PTPRC: variants seen among roughly 807,000 people sequenced by gnomAD.
PTPRC encodes the protein protein tyrosine phosphatase receptor type C.
Under a neutral mutation model 155.9 loss-of-function variants are expected in PTPRC, and 44 were observed. The observed-to-expected ratio is 0.28, with a 90% confidence interval of 0.22 to 0.36. The LOEUF is 0.36. Ranked by LOEUF, PTPRC falls within the 10% of genes least tolerant of loss-of-function variation. PTPRC has a pLI of 1.00. For synonymous variants in PTPRC, 525 were observed against 533.1 expected (o/e 0.98, Z 0.21); for missense variants, 1,401 against 1,564.6 (o/e 0.90, Z 1.76).
chr1:198,712,891 T>C (rs540539995), intron 11 of PTPRC, 62 bp from the exon 12 acceptor site: 4 of 1,495,326 alleles, frequency 2.7e-6, no homozygotes, highest in African/African-American at 2.8e-5. Flanking sequence ...GCTTATAATA[T>C]GAAGAATGCT....
intron 26 of PTPRC, 26 bp downstream of exon 26, chr1:198,744,229 T>C (rs1416645626): frequency 1.3e-6 from 2 of 1,573,110 alleles, no homozygotes; most frequent in Non-Finnish European, 8.7e-7. Flanking sequence ...ACAATAATAA[T>C]AATTACAGAT....
At chr1:198,681,799 A>G (rs571683255) in intron 2 of PTPRC, among the ~76,000 whole-genome samples, 1 of 152,376 alleles carries the variant, frequency 6.6e-6, no homozygotes, top group African/African-American at 2.4e-5. Flanking sequence ...TCACATAATA[A>G]AACTAACCTT....
intron 3 of PTPRC, chr1:198,694,289 A>T (rs1666084655): frequency 4.5e-6 from 2 of 448,314 alleles, no homozygotes; most frequent in East Asian, 2.1e-4. Flanking sequence ...CCGTGCTGGC[A>T]GTTGCTTGGA....
At chr1:198,666,446 C>A (rs1010988937) in intron 2 of PTPRC, among the ~76,000 whole-genome samples, 2 of 151,926 alleles carry the variant, frequency 1.3e-5, no homozygotes, top group Non-Finnish European at 2.9e-5. Flanking sequence ...ATATGTAATA[C>A]CCATTTATCT....
intron 8 of PTPRC, 52 bp from the exon 9 acceptor site, chr1:198,706,682 G>A (rs1449896811): frequency 6.4e-7 from 1 of 1,562,422 alleles, no homozygotes; most frequent in Non-Finnish European, 8.8e-7. Flanking sequence ...TTGCATTAAT[G>A]TAGTTTTATT....
At chr1:198,643,696 T>C (rs183873919) in intron 2 of PTPRC, among the ~76,000 whole-genome samples, 1 of 152,056 alleles carries the variant, frequency 6.6e-6, no homozygotes, top group East Asian at 1.9e-4. Flanking sequence ...CTAGGTAATG[T>C]AATTTGGAGG....
chr1:198,666,240 CAAAAA>C (rs756815638), intron 2 of PTPRC, among the ~76,000 whole-genome samples: 4 of 101,814 alleles, frequency 3.9e-5, no homozygotes, highest in Admixed American at 1.0e-4. Context: ...GACCCTGTCT[CAAAAA>C]AAAAAAAAAA....
intron 2 of PTPRC, among the ~76,000 whole-genome samples, chr1:198,667,722 A>C (rs1260289152): frequency 6.6e-6 from 1 of 152,256 alleles, no homozygotes; most frequent in East Asian, 1.9e-4. Flanking sequence ...CAAGACATCT[A>C]CACATATACA....
intron 2 of PTPRC, among the ~76,000 whole-genome samples, chr1:198,652,685 C>T (rs1411180299): frequency 1.3e-5 from 2 of 151,390 alleles, no homozygotes; most frequent in Non-Finnish European, 3.0e-5. Flanking sequence ...TTCCTCCTTG[C>T]TGAATGGTAA....
intron 2 of PTPRC, among the ~76,000 whole-genome samples, chr1:198,690,332 A>T (rs1035662222): frequency 6.6e-6 from 1 of 152,116 alleles, no homozygotes; most frequent in African/African-American, 2.4e-5. Context: ...TTTACAAGGA[A>T]ATAAGAACAA....
chr1:198,696,810 A>G lies in PTPRC; in HGVS notation c.199A>G (p.Asn67Asp). 1 of 1,613,990 alleles carries G rather than the reference A, an allele frequency of 6.2e-7. No homozygotes were observed. Among genetic ancestry groups the G allele is most frequent in the Non-Finnish European group, 8.5e-7 (1 of 1,179,844 alleles). Residue 67 changes from asparagine to aspartate, a missense_variant, in exon 4 of 33, where the codon AAT (asparagine) becomes GAT (aspartate). Physicochemically the swap from Asn to Asp is conservative, Grantham distance 23. Coordinates refer to ENST00000442510, the MANE Select transcript of PTPRC (RefSeq NM_002838.5). Reference protein sequence around the residue: ...FSPASTFERENDFSETTTSLS... With the variant: ...FSPASTFEREDDFSETTTSLS... ...ACCCGCAAGCACCTTTGAAAGAGAA[A>G]ATGACTTCTCAGAGACCACAACTTC...
chr1:198,742,260 A>G lies in PTPRC; in HGVS notation c.2590A>G (p.Ile864Val), dbSNP rs934230097. 3.7e-6 allele frequency: 6 copies of G among 1,612,162 alleles called. No homozygotes were observed. Among genetic ancestry groups the G allele is most frequent in the African/African-American group, 1.3e-5 (1 of 74,716 alleles). The change falls in exon 25 of 33, where the codon ATC (isoleucine) becomes GTC (valine). Residue 864 changes from isoleucine to valine, a missense_variant. Ile to Val is a conservative substitution (Grantham distance 29). Transcript: ENST00000442510. The stretch of plus-strand genomic sequence containing the variant: ...TGGTGTTGGGCGCACAGGAACCTAT[A>G]TCGGAATTGATGCCATGCTAGAAGG... ...SAGVGRTGTY[I>V]GIDAMLEGLE...
intron 12 of PTPRC, 69 bp downstream of exon 12, chr1:198,713,141 A>G (rs1653397693): frequency 1.9e-6 from 3 of 1,603,694 alleles, no homozygotes; most frequent in African/African-American, 1.3e-5. Context: ...AGAAATTTTT[A>G]TTGAGCCAGT....
chr1:198,646,499 G>A (rs763216928), intron 2 of PTPRC, among the ~76,000 whole-genome samples: 1 of 151,650 alleles, frequency 6.6e-6, no homozygotes, highest in Non-Finnish European at 1.5e-5. Context: ...GTGTCTCAAT[G>A]CTACAAAAAA....
rs372045826 is a variant in PTPRC at position 198,718,242 on chromosome 1, G to A, written c.1599G>A (p.Ser533=). 3.6e-5 allele frequency: 58 copies of A among 1,613,862 alleles called. No homozygotes were observed. The highest frequency in any genetic ancestry group is 6.7e-5 in the Admixed American group (4 of 59,984). ...EAGNTLVRNE[S]HKNCDFRVKD... is the part of the protein sequence containing the mutation. ...GAAATACTCTGGTTAGAAATGAGTCGCATAAGAATTGCGATTTCCGTGTAA... is the reference window on the plus strand; with the variant it reads ...GAAATACTCTGGTTAGAAATGAGTCACATAAGAATTGCGATTTCCGTGTAA... The change falls in exon 14 of 33, where the codon TCG becomes TCA. Residue 533 remains serine (S), a synonymous_variant. Coordinates refer to ENST00000442510, the MANE Select transcript of PTPRC (RefSeq NM_002838.5).
rs1553246570 is a variant in PTPRC at position 198,756,223 on chromosome 1, G to GTTA, written c.*45_*47dup. The GTTA allele has an allele frequency of 6.2e-7, 1 of 1,609,146 alleles. No homozygotes were observed. Among genetic ancestry groups the GTTA allele is most frequent in the Non-Finnish European group, 8.5e-7 (1 of 1,176,844 alleles). On this transcript the variant is annotated 3_prime_UTR_variant, in exon 33 of 33. Transcript: ENST00000442510. The stretch of plus-strand genomic sequence containing the variant: ...GGAAACTCCAAACCTCCTGTTAGCT[G>GTTA]TTATTTCTATTTTTGTAGAAGTAGG...
At chr1:198,656,639 G>GTTTTTTTTTTTTTTTTTTTTTTTT (rs201088832) in intron 2 of PTPRC, among the ~76,000 whole-genome samples, 1 of 85,144 alleles carries the variant, frequency 1.2e-5, no homozygotes. Context: ...AGGGCTACTA[G>GTTTTTTTTTTTTTTTTTTTTTTTT]TTTTTTGTTT....
intron 12 of PTPRC, among the ~76,000 whole-genome samples, chr1:198,716,064 T>C (rs756674409): frequency 6.6e-6 from 1 of 152,214 alleles, no homozygotes; most frequent in Non-Finnish European, 1.5e-5. Flanking sequence ...ACATTCCTTC[T>C]TCCGTTTGTA....
intron 2 of PTPRC, among the ~76,000 whole-genome samples, chr1:198,660,935 CT>C (rs1446464193): frequency 6.6e-6 from 1 of 152,156 alleles, no homozygotes; most frequent in Non-Finnish European, 1.5e-5. Flanking sequence ...AGTAAGCTCT[CT>C]TTTCAATTCC....
Sources: allele counts gnomAD v4.1 joint callset (sites outside exome capture counted in the v4.1 genomes callset), GRCh38; gene constraint gnomAD v4.1.1; transcripts MANE v1.5; gene names NCBI Gene and HGNC (gene_info 2026-07-23, HGNC 2026-07-21).